Variants in PSD2 observed in about 807,000 individuals in gnomAD.
The protein encoded by PSD2 is pleckstrin and Sec7 domain containing 2.
A neutral mutation model predicts 69.8 loss-of-function variants in PSD2; 38 were observed. The ratio of observed to expected loss-of-function variants is 0.54; its 90% CI spans 0.42 to 0.71. The LOEUF (loss-of-function observed/expected upper bound fraction) is 0.71, where lower values mean the gene tolerates loss of function less well. Ranked by LOEUF, PSD2 falls within the 30% of genes least tolerant of loss-of-function variation. The pLI is 0.00. For synonymous variants in PSD2, 412 were observed against 423.0 expected, an observed-to-expected ratio of 0.97 and a Z score of 0.32; for missense variants, 943 against 1,014.5, an observed-to-expected ratio of 0.93 and a Z score of 0.96.
At chr5:139,796,674 G>T (rs1759538450) in intron 1 of PSD2, among the ~76,000 whole-genome samples, 1 of 152,220 alleles carries the variant, frequency 6.6e-6, no homozygotes, top group Admixed American at 6.5e-5. Context: ...GGGCCCCCTC[G>T]GAGGAGGAGG....
chr5:139,795,242 A>G (rs1249399673), upstream of PSD2, among the ~76,000 whole-genome samples: 1 of 150,976 alleles, frequency 6.6e-6, no homozygotes, highest in African/African-American at 2.4e-5. This position sits in a 1 kb window ranked among gnomAD's most constrained non-coding sequence, Gnocchi z 4.5. Context: ...GTCCCGTGTG[A>G]CTCTAGGTCT....
intron 7 of PSD2, among the ~76,000 whole-genome samples, chr5:139,831,965 C>T (rs1378817883): frequency 6.6e-6 from 1 of 152,192 alleles, no homozygotes; most frequent in Non-Finnish European, 1.5e-5. Context: ...CTTAGCCGCT[C>T]AGCCCCTGGC....
Position 139,837,307 on chromosome 5 carries a change from G to T in PSD2, c.1665+69G>T, listed in dbSNP as rs1254125295. 6.7e-6 allele frequency: 9 copies of T among 1,351,988 alleles called. No individual in the cohort carries two copies. Among genetic ancestry groups the T allele is most frequent in the Non-Finnish European group, 7.9e-6 (8 of 1,017,228 alleles). 83.7% of individuals were successfully genotyped at this position (1,351,988 alleles called of 1,614,324 possible). A position where few individuals can be genotyped will look rare whatever the true frequency, so the allele number is the denominator to read the frequency against. On this transcript the variant is annotated intron_variant, in intron 11 of 14. Coordinates refer to ENST00000274710, the MANE Select transcript of PSD2 (RefSeq NM_032289.4). The surrounding 1 kb of genome is among the most constrained non-coding windows in gnomAD (Gnocchi z 5.0). ...AGTCCCATCCCGCCCTGGCCTTGTG[G>T]CACCCCGAAGCCCCAGGCAGGACCT... is the stretch of plus-strand genomic sequence containing the variant.
the PSD2 span, among the ~76,000 whole-genome samples, chr5:139,783,081 T>G: frequency 7.2e-5 from 11 of 152,220 alleles, no homozygotes; most frequent in Non-Finnish European, 1.5e-4. Context: ...ATATTTCATA[T>G]AAATTGGAAT....
At chr5:139,746,353 A>C in the PSD2 span, 1 of 152,224 alleles carries the variant, frequency 6.6e-6, no homozygotes, top group African/African-American at 2.4e-5. The surrounding 1 kb of genome is among the most constrained non-coding windows in gnomAD (Gnocchi z 4.5). Context: ...CACGCCCTGA[A>C]CGAAACTTCA....
chr5:139,828,784 A>T (rs1760496485), intron 7 of PSD2, among the ~76,000 whole-genome samples: 1 of 152,142 alleles, frequency 6.6e-6, no homozygotes, highest in Non-Finnish European at 1.5e-5. Flanking sequence ...GCAGTGACAC[A>T]GTTTTACTAT....
chr5:139,825,076 G>A (rs1423253871), intron 7 of PSD2, among the ~76,000 whole-genome samples: 2 of 152,206 alleles, frequency 1.3e-5, no homozygotes, highest in Non-Finnish European at 2.9e-5. Context: ...CCCTGCTTTT[G>A]TGTTCCATGA....
intron 1 of PSD2, among the ~76,000 whole-genome samples, chr5:139,802,600 A>G (rs1006349775): frequency 6.6e-6 from 1 of 151,922 alleles, no homozygotes; most frequent in Non-Finnish European, 1.5e-5. Context: ...AACTCTCTTG[A>G]CCAAGACAGC....
chr5:139,813,461 G>T lies in PSD2; in HGVS notation c.524G>T (p.Ser175Ile). 1 of 1,614,030 alleles carries T rather than the reference G, an allele frequency of 6.2e-7. No individual in the cohort carries two copies. The highest frequency in any genetic ancestry group is 8.5e-7 in the Non-Finnish European group (1 of 1,179,902). Residue 175 changes from serine (S) to isoleucine (I), a missense_variant, in exon 3 of 15, where the codon AGC becomes ATC. Ser to Ile is a moderately radical substitution (Grantham distance 142). This residue lies in a region of PSD2 where 466 missense variants were observed against 445.0 expected (regional missense o/e 1.05). Coordinates refer to ENST00000274710, the MANE Select transcript of PSD2 (RefSeq NM_032289.4). ...ACGGATGAGAGCGACAGCTGCGTCA[G>T]CTTCGAGGCCCCCCTCACACCCCTC... ...SLTDESDSCV[S>I]FEAPLTPLIQ...
chr5:139,822,566 G>A (rs1417422186), intron 6 of PSD2, among the ~76,000 whole-genome samples, 160 bp from the exon 7 acceptor site: 1 of 152,178 alleles, frequency 6.6e-6, no homozygotes, highest in Non-Finnish European at 1.5e-5. Flanking sequence ...CTGCAGTTGG[G>A]GCAGACCTGG....
the PSD2 span, among the ~76,000 whole-genome samples, chr5:139,773,665 T>C: frequency 6.6e-6 from 1 of 152,212 alleles, no homozygotes; most frequent in East Asian, 1.9e-4. Flanking sequence ...CATAATTCTT[T>C]CCTTTTTAAG....
chr5:139,835,807 C>A, intron 9 of PSD2, 41 bp downstream of exon 9: 1 of 1,593,726 alleles, frequency 6.3e-7, no homozygotes, highest in Non-Finnish European at 8.6e-7. Context: ...GAGCATACAT[C>A]CCTGGGTGGG....
the PSD2 span, among the ~76,000 whole-genome samples, chr5:139,778,416 A>G: frequency 6.6e-6 from 1 of 152,224 alleles, no homozygotes; most frequent in Non-Finnish European, 1.5e-5. Context: ...CCTTAACTGT[A>G]TAGATAAAGA....
the PSD2 span, among the ~76,000 whole-genome samples, chr5:139,781,796 G>T: frequency 6.6e-6 from 1 of 151,966 alleles, no homozygotes; most frequent in African/African-American, 2.4e-5. Flanking sequence ...ACGACACCTG[G>T]CTAATTTTTG....
intron 13 of PSD2, 87 bp downstream of exon 13, chr5:139,838,859 C>A: frequency 7.0e-7 from 1 of 1,432,932 alleles, no homozygotes; most frequent in Non-Finnish European, 9.6e-7. Flanking sequence ...CCAGCTCTGT[C>A]TCTAGGCTGG....
chr5:139,802,097 CA>C (rs1269087067), intron 1 of PSD2, among the ~76,000 whole-genome samples: 6 of 146,086 alleles, frequency 4.1e-5, no homozygotes, highest in African/African-American at 1.3e-4. Context: ...AAAGAGGAGA[CA>C]AGACTGGACA....
At chr5:139,800,647 A>T (rs1759648447) in intron 1 of PSD2, among the ~76,000 whole-genome samples, 1 of 152,196 alleles carries the variant, frequency 6.6e-6, no homozygotes, top group Non-Finnish European at 1.5e-5. Flanking sequence ...TTGAGAAAAT[A>T]TAAGCAGTCA....
chr5:139,760,168 C>T, the PSD2 span, among the ~76,000 whole-genome samples: 1 of 152,368 alleles, frequency 6.6e-6, no homozygotes, highest in African/African-American at 2.4e-5. Flanking sequence ...TCCATTCCCC[C>T]TACCCCAGTC....
the PSD2 span, among the ~76,000 whole-genome samples, chr5:139,754,186 G>T: frequency 2.0e-5 from 3 of 152,190 alleles, no homozygotes; most frequent in Non-Finnish European, 2.9e-5. Context: ...ATTTAAGAGG[G>T]GTTGGGCATG....
Sources: allele counts gnomAD v4.1 joint callset (sites outside exome capture counted in the v4.1 genomes callset), GRCh38; gene constraint gnomAD v4.1.1; regional missense constraint gnomAD v4.1.1; non-coding constraint Gnocchi (gnomAD v3.1); transcripts MANE v1.5; gene names NCBI Gene and HGNC (gene_info 2026-07-23, HGNC 2026-07-21).